The following PRICKLE1 variants were observed in gnomAD, a reference collection of about 807,000 sequenced individuals.
The protein encoded by PRICKLE1 is prickle-like protein 1.
In PRICKLE1, 14 loss-of-function variants were observed where a neutral mutation model predicts 70.2. The observed-to-expected ratio is 0.20, with a 90% CI of 0.13 to 0.31. The LOEUF is 0.31. Ranked by LOEUF, PRICKLE1 falls within the 10% of genes least tolerant of loss-of-function variation. The probability of loss-of-function intolerance (pLI) is 1.00; values close to 1 mark genes in which losing one functional copy is unlikely to be tolerated. For synonymous variants in PRICKLE1, 357 were observed against 379.9 expected (o/e 0.94, Z 0.70); for missense variants, 821 against 1,026.2 (o/e 0.80, Z 2.73).
chr12:42,502,566 C>G (rs1347506289), intron 1 of PRICKLE1, among the ~76,000 whole-genome samples: 1 of 152,172 alleles, frequency 6.6e-6, no homozygotes, highest in South Asian at 2.1e-4. Flanking sequence ...CTGCCTTGGC[C>G]TCTCAAAGTG....
At chr12:42,587,219 C>T (rs182202763) in intron 1 of PRICKLE1, among the ~76,000 whole-genome samples, 4 of 152,264 alleles carry the variant, frequency 2.6e-5, no homozygotes, top group Admixed American at 2.0e-4. Flanking sequence ...GGTGATAACT[C>T]GCCAATTAGT....
intron 1 of PRICKLE1, among the ~76,000 whole-genome samples, chr12:42,543,252 G>C (rs993739162): frequency 1.3e-5 from 2 of 152,142 alleles, no homozygotes; most frequent in African/African-American, 4.8e-5. Flanking sequence ...TAAGATTCAG[G>C]CTAAATGTTC....
chr12:42,545,150 C>T (rs569330657), intron 1 of PRICKLE1, among the ~76,000 whole-genome samples: 9 of 152,036 alleles, frequency 5.9e-5, no homozygotes, highest in East Asian at 3.9e-4. Flanking sequence ...ACTACAGGTG[C>T]GCATCACCAT....
chr12:42,462,166 C>G (rs1180238722), intron 7 of PRICKLE1, among the ~76,000 whole-genome samples: 1 of 151,956 alleles, frequency 6.6e-6, no homozygotes, highest in Admixed American at 6.6e-5. Flanking sequence ...ATGTCAGCCC[C>G]TAACACTTAA....
Position 42,497,908 on chromosome 12 carries a change from C to T in PRICKLE1, c.-48-25344G>A, listed in dbSNP as rs115862707. 7.8e-3 allele frequency among the ~76,000 whole-genome samples: 1,185 copies of T among 152,260 alleles called. 12 individuals are homozygous for T. Among genetic ancestry groups the T allele is most frequent in the African/African-American group, 0.027 (1,112 of 41,546 alleles). ...CCCATGTCCCCACCCTGGACACGAC[C>T]GCAGCCTAACTCACTCCCTCAGGTC... On this transcript the variant is annotated intron_variant, in intron 1 of 7. Coordinates refer to ENST00000345127, the MANE Select transcript of PRICKLE1 (RefSeq NM_153026.3).
At position 42,475,708 on chromosome 12, in the gene PRICKLE1, G is replaced by A. The variant is rs115299298; in HGVS notation, c.-48-3144C>T. Among the ~76,000 whole-genome samples the A allele has an allele frequency of 5.4e-3, 829 of 152,226 alleles. 6 individuals carry two copies. The highest frequency in any genetic ancestry group is 0.019 in the African/African-American group (792 of 41,550). On this transcript the variant is annotated intron_variant, in intron 1 of 7. Transcript: ENST00000345127. ...CTTGGTTCAGAGTTTATTCACTGAC[G>A]AAAGTTTTTCTTTTTCCTTTATATC...
intron 1 of PRICKLE1, among the ~76,000 whole-genome samples, chr12:42,546,702 C>T (rs1054569498): frequency 4.6e-5 from 7 of 152,058 alleles, no homozygotes; most frequent in East Asian, 1.9e-4. Flanking sequence ...TGCAGTGAGC[C>T]GAGATCATGC....
chr12:42,535,249 G>A (rs557324885), intron 1 of PRICKLE1, among the ~76,000 whole-genome samples: 2 of 152,288 alleles, frequency 1.3e-5, no homozygotes, highest in South Asian at 4.1e-4. Context: ...AATGAAGCCA[G>A]CACAAGAGAA....
In PRICKLE1 at chr12:42,460,611, T is replaced by C; in HGVS notation, c.1694A>G (p.Asn565Ser). The C allele has an allele frequency of 6.2e-7, 1 of 1,613,304 alleles. No individual in the cohort carries two copies. Among genetic ancestry groups the C allele is most frequent in the Non-Finnish European group, 8.5e-7 (1 of 1,180,018 alleles). The change falls in exon 8 of 8, where the codon AAT becomes AGT. Residue 565 changes from asparagine to serine, a missense_variant. Coordinates refer to ENST00000345127, the MANE Select transcript of PRICKLE1 (RefSeq NM_153026.3). ...KPRPSLYSLQ[N>S]FEEMETEDCE... is the part of the protein sequence containing the mutation. The stretch of plus-strand genomic sequence containing the variant: ...ATCTTCTGTTTCCATCTCCTCAAAA[T>C]TTTGCAGAGAATACAATGATGGCCT...
intron 5 of PRICKLE1, among the ~76,000 whole-genome samples, chr12:42,467,609 G>T (rs1281950732): frequency 6.6e-6 from 1 of 152,008 alleles, no homozygotes; most frequent in Admixed American, 6.6e-5. Flanking sequence ...AGCTGGGCGT[G>T]GTGGTGGGCA....
chr12:42,468,912 G>T, intron 4 of PRICKLE1, 83 bp from the exon 5 acceptor site: 3 of 1,343,710 alleles, frequency 2.2e-6, no homozygotes, highest in South Asian at 1.2e-5. Flanking sequence ...GATAAATCTC[G>T]AATTTGTCAG....
Position 42,533,210 on chromosome 12 carries a change from C to G in PRICKLE1, c.-49+56255G>C, listed in dbSNP as rs188652689. On this transcript the variant is annotated intron_variant, in intron 1 of 7. Transcript: ENST00000345127. ...TTATTCTGGGGATAGATTTTTTTTT[C>G]TTCTTTTTTTTTTTTCTGTATTTTT... Among the ~76,000 whole-genome samples, 811 of 142,464 alleles carry G rather than the reference C, an allele frequency of 5.7e-3. 9 individuals carry two copies. Among genetic ancestry groups the G allele is most frequent in the African/African-American group, 0.02 (769 of 38,994 alleles). The allele number at this position is 142,464 out of a possible 152,430, so 93.5% of individuals were successfully genotyped here.
chr12:42,562,361 A>C (rs1476099787), intron 1 of PRICKLE1, among the ~76,000 whole-genome samples: 1 of 152,186 alleles, frequency 6.6e-6, no homozygotes, highest in African/African-American at 2.4e-5. Flanking sequence ...AAGATAATGA[A>C]ACTCAATTCG....
Position 42,466,426 on chromosome 12 carries a change from G to A in PRICKLE1, c.589-46C>T, listed in dbSNP as rs778416027. On this transcript the variant is annotated intron_variant, in intron 5 of 7. Coordinates refer to ENST00000345127, the MANE Select transcript of PRICKLE1 (RefSeq NM_153026.3). ...CCAGAGAATGAAAGAAAATCATTAG[G>A]AACTATTTTAAAGGCCAAGTAACTG... 11 of 1,577,344 alleles carry A rather than the reference G, an allele frequency of 7.0e-6. No homozygotes were observed. In the African/African-American group the frequency reaches 1.3e-4, roughly 19 times the overall value.
chr12:42,563,115 G>A (rs1232244458), intron 1 of PRICKLE1, among the ~76,000 whole-genome samples: 2 of 151,696 alleles, frequency 1.3e-5, no homozygotes, highest in African/African-American at 2.4e-5. Flanking sequence ...TCCGGGAGAC[G>A]GAGGTTGCAG....
At chr12:42,574,017 G>C (rs1940764628) in intron 1 of PRICKLE1, among the ~76,000 whole-genome samples, 1 of 152,114 alleles carries the variant, frequency 6.6e-6, no homozygotes, top group African/African-American at 2.4e-5. Context: ...CTGTGTTCAA[G>C]GAACCAGGAA....
chr12:42,503,889 A>G (rs776547053), intron 1 of PRICKLE1, among the ~76,000 whole-genome samples: 6 of 152,190 alleles, frequency 3.9e-5, no homozygotes, highest in African/African-American at 7.2e-5. Flanking sequence ...GAATCTGCCT[A>G]TAATTCAAAA....
intron 1 of PRICKLE1, among the ~76,000 whole-genome samples, chr12:42,475,502 C>A (rs1938487273): frequency 6.6e-6 from 1 of 152,166 alleles, no homozygotes; most frequent in South Asian, 2.1e-4. Flanking sequence ...CAACCCCACA[C>A]TGCCTCCAGG....
intron 1 of PRICKLE1, among the ~76,000 whole-genome samples, chr12:42,500,225 T>C (rs1939281011): frequency 6.6e-6 from 1 of 152,172 alleles, no homozygotes; most frequent in South Asian, 2.1e-4. Context: ...ACACCAACCC[T>C]GGAGATAATC....
Sources: allele counts gnomAD v4.1 joint callset (sites outside exome capture counted in the v4.1 genomes callset), GRCh38; gene constraint gnomAD v4.1.1; transcripts MANE v1.5; gene names NCBI Gene and HGNC (gene_info 2026-07-23, HGNC 2026-07-21).